The following AGO3 variants were observed in gnomAD, a reference collection of about 807,000 sequenced individuals.
AGO3 encodes argonaute RISC catalytic component 3, also known as protein argonaute-3.
AGO3 carries 16 observed loss-of-function variants against 105.5 expected under a neutral mutation model. The ratio of observed to expected loss-of-function variants is 0.15; its 90% confidence interval spans 0.10 to 0.23. AGO3 has a LOEUF of 0.23. Among genes scored for constraint, AGO3 ranks in the 10% least tolerant of loss-of-function variants. AGO3 has a pLI of 1.00. For missense variants in AGO3, 534 were observed against 1,088.0 expected (o/e 0.49, Z 7.16); for synonymous variants, 340 against 367.3 (o/e 0.93, Z 0.85).
chr1:35,995,237 T>TA (rs1648203896), intron 5 of AGO3, among the ~76,000 whole-genome samples: 5 of 142,246 alleles, frequency 3.5e-5, no homozygotes, highest in Admixed American at 1.4e-4. Context: ...TATATATATA[T>TA]TATATAAAAT....
In AGO3 at chr1:36,063,465, A is replaced by G. The variant is rs1643048899; in HGVS notation, c.*7720A>G. On this transcript the variant is annotated 3_prime_UTR_variant, in exon 19 of 19. Transcript: ENST00000373191. ...TTGTAGGCCTGGAAAACAAATAGCA[A>G]ATGATTCAAAATTCATTGAATTGAC... 1 of 152,156 alleles carries G rather than the reference A, an allele frequency of 6.6e-6. No individual in the cohort carries two copies. The highest frequency in any genetic ancestry group is 2.4e-5 in the African/African-American group (1 of 41,440). The allele number at this position is 152,156 out of a possible 1,614,324, so 9.4% of individuals were successfully genotyped here.
At chr1:35,965,136 A>G (rs937191652) in intron 2 of AGO3, among the ~76,000 whole-genome samples, 4 of 152,034 alleles carry the variant, frequency 2.6e-5, no homozygotes, top group Non-Finnish European at 5.9e-5. Flanking sequence ...TTGAGTTAAA[A>G]AAAAAAATGA....
At chr1:36,013,808 G>A (rs1640741117) in intron 10 of AGO3, 56 bp downstream of exon 10, 1 of 1,602,834 alleles carries the variant, frequency 6.2e-7, no homozygotes, top group Non-Finnish European at 8.5e-7. Context: ...AGTATGAAGA[G>A]AAAGGCATAT....
At chr1:36,011,300 C>T (rs1640600269) in intron 9 of AGO3, among the ~76,000 whole-genome samples, 1 of 152,046 alleles carries the variant, frequency 6.6e-6, no homozygotes, top group African/African-American at 2.4e-5. Context: ...TTAGTAATTT[C>T]ACCTTTGGCA....
chr1:35,988,751 G>T lies in AGO3; in HGVS notation c.658+15240G>T, dbSNP rs181238479. ...GCTGCAGTGAACATGGGAGTGCAGG[G>T]GTCTCCTTGAGATAGTGATTTTATT... On this transcript the variant is annotated intron_variant, in intron 5 of 18. Coordinates refer to ENST00000373191, the MANE Select transcript of AGO3 (RefSeq NM_024852.4). 6.6e-5 allele frequency among the ~76,000 whole-genome samples: 10 copies of T among 151,896 alleles called. No homozygotes were observed. In the East Asian group the frequency reaches 1.7e-3, roughly 26 times the overall value.
At chr1:35,964,872 G>A (rs985592897) in intron 2 of AGO3, among the ~76,000 whole-genome samples, 1 of 152,014 alleles carries the variant, frequency 6.6e-6, no homozygotes, top group Non-Finnish European at 1.5e-5. Flanking sequence ...TTTCTCTAAT[G>A]ATCAATAATA....
In AGO3 at chr1:36,046,992, C is replaced by T. The variant is rs577978244; in HGVS notation, c.2274+3444C>T. Among the ~76,000 whole-genome samples the T allele has an allele frequency of 3.9e-5, 6 of 152,252 alleles. No homozygotes were observed. In the East Asian group the frequency reaches 1.2e-3, roughly 29 times the overall value. On this transcript the variant is annotated intron_variant, in intron 17 of 18. Coordinates refer to ENST00000373191, the MANE Select transcript of AGO3 (RefSeq NM_024852.4). ...GGCCGCAGTGGCTCACGCCTGTAAT[C>T]TCATTACTTTGGGAGGCCGAGGCAG...
intron 1 of AGO3, among the ~76,000 whole-genome samples, chr1:35,940,561 T>A (rs1646235509): frequency 1.3e-5 from 2 of 152,122 alleles, no homozygotes; most frequent in Non-Finnish European, 2.9e-5. Context: ...TTTAACATAA[T>A]CCTTTGAATT....
intron 12 of AGO3, among the ~76,000 whole-genome samples, chr1:36,029,396 T>C (rs1481964733): frequency 2.8e-5 from 4 of 144,238 alleles, no homozygotes; most frequent in East Asian, 2.0e-4. Context: ...TCTTTCTTTT[T>C]TTTTTTTTTT....
At position 36,058,528 on chromosome 1, in the gene AGO3, C is replaced by T. The variant is rs142125071; in HGVS notation, c.*2783C>T. 7.3e-5 allele frequency: 11 copies of T among 151,716 alleles called. No homozygotes were observed. Among genetic ancestry groups the T allele is most frequent in the South Asian group, 2.1e-4 (1 of 4,798 alleles). 9.4% of individuals were successfully genotyped at this position (151,716 alleles called of 1,614,324 possible). A position where few individuals can be genotyped will look rare whatever the true frequency, so the allele number is the denominator to read the frequency against. Reference sequence around the variant, plus strand: ...TTAGCCTTTCAGAATTCCATCTGCACGTGAAACCTAATGGATTTAGATCTT... The same window carrying T: ...TTAGCCTTTCAGAATTCCATCTGCATGTGAAACCTAATGGATTTAGATCTT... On this transcript the variant is annotated 3_prime_UTR_variant, in exon 19 of 19. Transcript: ENST00000373191.
chr1:35,959,524 T>C (rs1483562506), intron 2 of AGO3, among the ~76,000 whole-genome samples: 1 of 152,220 alleles, frequency 6.6e-6, no homozygotes, highest in Non-Finnish European at 1.5e-5. Context: ...ATTTCCCAAA[T>C]TACTTTCCCA....
intron 12 of AGO3, among the ~76,000 whole-genome samples, chr1:36,030,848 T>TC (rs1379409818): frequency 6.6e-6 from 1 of 152,216 alleles, no homozygotes; most frequent in East Asian, 1.9e-4. Flanking sequence ...TAGTTAGACT[T>TC]CCTTTAAAAA....
intron 11 of AGO3, among the ~76,000 whole-genome samples, chr1:36,021,379 C>G (rs1557692228): frequency 6.6e-6 from 1 of 151,982 alleles, no homozygotes; most frequent in Non-Finnish European, 1.5e-5. Context: ...TTTCTGTGGC[C>G]TACAATAGTT....
chr1:35,987,887 G>T (rs1218887562), intron 5 of AGO3, among the ~76,000 whole-genome samples: 1 of 151,834 alleles, frequency 6.6e-6, no homozygotes, highest in Non-Finnish European at 1.5e-5. Context: ...GACCAACATG[G>T]TGAAACCCCG....
chr1:36,030,812 C>A (rs1025776640), intron 12 of AGO3, among the ~76,000 whole-genome samples: 8 of 152,122 alleles, frequency 5.3e-5, no homozygotes, highest in African/African-American at 1.9e-4. Flanking sequence ...TTGTATAATT[C>A]TATTTTTCAT....
chr1:36,037,962 G>A (rs1642084800), intron 14 of AGO3, among the ~76,000 whole-genome samples: 3 of 152,120 alleles, frequency 2.0e-5, no homozygotes, highest in African/African-American at 7.2e-5. Context: ...ACTTTCTTTT[G>A]TGGTTCTCAG....
intron 2 of AGO3, among the ~76,000 whole-genome samples, chr1:35,958,426 T>C (rs563055037): frequency 6.6e-6 from 1 of 151,908 alleles, no homozygotes; most frequent in East Asian, 1.9e-4. Context: ...TTTGGGAGGC[T>C]GAGGTGGACA....
At chr1:35,979,663 C>T (rs1275870694) in intron 5 of AGO3, among the ~76,000 whole-genome samples, 1 of 152,064 alleles carries the variant, frequency 6.6e-6, no homozygotes, top group African/African-American at 2.4e-5. Flanking sequence ...AATGTTGCTA[C>T]TGTATTAGGA....
At chr1:36,009,412 A>G in intron 8 of AGO3, 63 bp from the exon 9 acceptor site, 1 of 1,505,364 alleles carries the variant, frequency 6.6e-7, no homozygotes, top group South Asian at 1.4e-5. Flanking sequence ...TGTAATTGGC[A>G]CTAAGTAAGA....
Sources: gnomAD v4.1 joint callset for allele counts (sites outside exome capture counted in the v4.1 genomes callset) on GRCh38, gnomAD v4.1.1 for gene constraint, MANE v1.5 for transcripts, NCBI Gene and HGNC (gene_info 2026-07-23, HGNC 2026-07-21) for gene names.